TENM4: variants seen among roughly 807,000 people sequenced by gnomAD.
TENM4 encodes teneurin-4.
TENM4 carries 82 observed loss-of-function variants against 243.3 expected under a neutral mutation model. The observed-to-expected ratio is 0.34, with a 90% CI of 0.28 to 0.40. The LOEUF is 0.40. TENM4 is among the 10% of genes least tolerant of loss of function. The pLI, the probability that TENM4 is intolerant of heterozygous loss-of-function variation, is 1.00. For missense variants in TENM4, 3,138 were observed against 3,673.3 expected (o/e 0.85, Z 3.77); for synonymous variants, 1,412 against 1,456.3 (o/e 0.97, Z 0.69).
chr11:78,919,329 T>C (rs368234193), intron 6 of TENM4, among the ~76,000 whole-genome samples: 3 of 152,212 alleles, frequency 2.0e-5, no homozygotes, highest in South Asian at 4.2e-4. Flanking sequence ...GGGGGAGCTA[T>C]TAGAGGTGCC....
chr11:78,668,798 G>A lies in TENM4; in HGVS notation c.7408+139C>T, dbSNP rs139043516. 148 of 1,111,734 alleles carry A rather than the reference G, an allele frequency of 1.3e-4. No individual in the cohort carries two copies. The East Asian group carries it at 3.6e-3, about 27-fold the overall frequency. 68.9% of individuals were successfully genotyped at this position (1,111,734 alleles called of 1,614,324 possible). On this transcript the variant is annotated intron_variant, in intron 32 of 33. Transcript: ENST00000278550. ...TTTCTGAACTAGTGTTTCTTCAAACGGACTTTGGAAAATGCTGCTCTAAGA... is the reference window on the plus strand; with the variant it reads ...TTTCTGAACTAGTGTTTCTTCAAACAGACTTTGGAAAATGCTGCTCTAAGA...
chr11:78,860,458 C>T (rs958637926), intron 10 of TENM4, among the ~76,000 whole-genome samples: 2 of 152,196 alleles, frequency 1.3e-5, no homozygotes, highest in Admixed American at 1.3e-4. Context: ...TTGCTTTCTC[C>T]ATCATTGTGA....
chr11:78,690,003 G>A lies in TENM4; in HGVS notation c.5088-1777C>T, dbSNP rs187592424. Reference sequence around the variant, plus strand: ...ATACACTCCCTGGGCAGGGCTGCAGGCAAGGCTGTGGCTCTATCAGAGGCT... The same window carrying A: ...ATACACTCCCTGGGCAGGGCTGCAGACAAGGCTGTGGCTCTATCAGAGGCT... On this transcript the variant is annotated intron_variant, in intron 28 of 33. Transcript: ENST00000278550. Among the ~76,000 whole-genome samples the A allele has an allele frequency of 3.8e-3, 573 of 152,326 alleles. 3 individuals carry two copies. Among genetic ancestry groups the A allele is most frequent in the Middle Eastern group, 0.017 (5 of 294 alleles).
chr11:78,975,641 T>C (rs1050449657), intron 6 of TENM4, among the ~76,000 whole-genome samples: 1 of 151,646 alleles, frequency 6.6e-6, no homozygotes, highest in Non-Finnish European at 1.5e-5. Flanking sequence ...TATGTTTTCC[T>C]CCCTCCATTC....
chr11:79,433,527 C>T (rs945814062), intron 1 of TENM4, among the ~76,000 whole-genome samples: 5 of 152,182 alleles, frequency 3.3e-5, no homozygotes, highest in Non-Finnish European at 4.4e-5. Flanking sequence ...GAAATCAACA[C>T]TCATCCCACA....
chr11:78,856,367 TC>T (rs925048571), intron 10 of TENM4, among the ~76,000 whole-genome samples, 189 bp from the exon 11 acceptor site: 5 of 152,072 alleles, frequency 3.3e-5, no homozygotes, highest in Admixed American at 6.6e-5. Flanking sequence ...AACTTTTTTT[TC>T]CCCCCAGCGA....
chr11:79,118,720 T>C (rs1040237797), intron 4 of TENM4, among the ~76,000 whole-genome samples: 1 of 152,244 alleles, frequency 6.6e-6, no homozygotes, highest in Admixed American at 6.5e-5. Flanking sequence ...CGTTGTAGCA[T>C]GTGTCAGAAT....
intron 1 of TENM4, among the ~76,000 whole-genome samples, chr11:79,351,693 G>A (rs992085489): frequency 6.6e-6 from 1 of 152,058 alleles, no homozygotes; most frequent in Non-Finnish European, 1.5e-5. Context: ...GTGACAGAGT[G>A]AGACTCCATC....
chr11:79,288,617 C>T (rs1237313257), intron 2 of TENM4, among the ~76,000 whole-genome samples: 1 of 152,216 alleles, frequency 6.6e-6, no homozygotes, highest in East Asian at 1.9e-4. Flanking sequence ...TAAATCCCAG[C>T]TTATCTTCAG....
chr11:79,265,408 A>G (rs1009742438), intron 2 of TENM4, among the ~76,000 whole-genome samples: 1 of 152,228 alleles, frequency 6.6e-6, no homozygotes, highest in Non-Finnish European at 1.5e-5. Context: ...TCCAAAGTGT[A>G]AAATACATAT....
intron 25 of TENM4, among the ~76,000 whole-genome samples, chr11:78,713,411 A>G (rs762787928): frequency 4.6e-5 from 7 of 152,238 alleles, no homozygotes; most frequent in Non-Finnish European, 7.3e-5. Flanking sequence ...TGTTTCTGGA[A>G]AACAGTTATA....
In TENM4 at chr11:79,277,114, A is replaced by G. The variant is rs562832059; in HGVS notation, c.-265+20374T>C. Among the ~76,000 whole-genome samples, 4 of 152,308 alleles carry G rather than the reference A, an allele frequency of 2.6e-5. No individual in the cohort carries two copies. The South Asian group carries it at 8.3e-4, about 32-fold the overall frequency. ...GCAGGCTGAGCCAGCAAAAGACTGCAGAACACACTGAGCCAGATACAGAGA... is the reference window on the plus strand; with the variant it reads ...GCAGGCTGAGCCAGCAAAAGACTGCGGAACACACTGAGCCAGATACAGAGA... On this transcript the variant is annotated intron_variant, in intron 2 of 33. Coordinates refer to ENST00000278550, the MANE Select transcript of TENM4 (RefSeq NM_001098816.3).
Position 78,953,975 on chromosome 11 carries a change from G to A in TENM4, c.494-50452C>T, listed in dbSNP as rs754119446. On this transcript the variant is annotated intron_variant, in intron 6 of 33. Coordinates refer to ENST00000278550, the MANE Select transcript of TENM4 (RefSeq NM_001098816.3). ...CATTGCTCCACATTGTGCCATTTCT[G>A]TTTTTCTTCTGGCTTCAGTCCTTTT... 2.0e-5 allele frequency among the ~76,000 whole-genome samples: 3 copies of A among 152,146 alleles called. No homozygotes were observed. In the East Asian group the frequency reaches 5.8e-4, roughly 29 times the overall value.
At chr11:79,255,845 A>G (rs967624454) in intron 2 of TENM4, among the ~76,000 whole-genome samples, 2 of 152,138 alleles carry the variant, frequency 1.3e-5, no homozygotes, top group African/African-American at 4.8e-5. Flanking sequence ...TGAAGTAGAG[A>G]TGTAAATAAG....
intron 24 of TENM4, among the ~76,000 whole-genome samples, chr11:78,722,105 G>A (rs1193038271): frequency 6.6e-6 from 1 of 152,090 alleles, no homozygotes; most frequent in Non-Finnish European, 1.5e-5. Flanking sequence ...ACTGCCCTTG[G>A]GCTCAAGGGA....
intron 2 of TENM4, among the ~76,000 whole-genome samples, chr11:79,239,205 C>A (rs182098910): frequency 2.6e-5 from 4 of 152,284 alleles, no homozygotes; most frequent in Admixed American, 1.3e-4. Flanking sequence ...GCCTTGTGCT[C>A]ATCAGATATG....
rs1860414539 is a variant in TENM4 at position 79,071,491 on chromosome 11, G to T, written c.-65-1482C>A. Among the ~76,000 whole-genome samples, 5 of 152,130 alleles carry T rather than the reference G, an allele frequency of 3.3e-5. 1 individual carries two copies. The South Asian group carries it at 1.0e-3, about 32-fold the overall frequency. The stretch of plus-strand genomic sequence containing the variant: ...GGGTGGGAGTGTCTGGGGGGTGGGG[G>T]TGTCTTGTGAATTTTTAAGACAAGC... On this transcript the variant is annotated intron_variant, in intron 4 of 33. Transcript: ENST00000278550.
At chr11:79,178,757 A>G (rs1863223143) in intron 3 of TENM4, among the ~76,000 whole-genome samples, 1 of 152,176 alleles carries the variant, frequency 6.6e-6, no homozygotes, top group Non-Finnish European at 1.5e-5. Context: ...ACCCACCCAC[A>G]GGGTCCAGCA....
At chr11:79,309,057 T>C (rs1297483572) in intron 1 of TENM4, among the ~76,000 whole-genome samples, 6 of 152,080 alleles carry the variant, frequency 3.9e-5, no homozygotes, top group Non-Finnish European at 5.9e-5. Context: ...GTGGGGACTA[T>C]GGTAAACTCT....
Sources: allele counts gnomAD v4.1 joint callset (sites outside exome capture counted in the v4.1 genomes callset), GRCh38; gene constraint gnomAD v4.1.1; transcripts MANE v1.5; gene names NCBI Gene and HGNC (gene_info 2026-07-23, HGNC 2026-07-21).